Variants in ZFX observed in about 807,000 individuals in gnomAD.
The protein encoded by ZFX is zinc finger protein X-linked.
For synonymous variants in ZFX, 196 were observed against 226.8 expected, an observed-to-expected ratio of 0.86 and a Z score of 1.22; for missense variants, 362 against 628.3, an observed-to-expected ratio of 0.58 and a Z score of 4.53.
chrX:24,169,822 GA>G (rs1036662056), intron 3 of ZFX, among the ~76,000 whole-genome samples: 5 of 110,696 alleles, frequency 4.5e-5, no homozygotes, highest in Non-Finnish European at 9.4e-5. Context: ...CAGAAGAGGA[GA>G]GGGTTGAGCA....
chrX:24,191,849 G>A (rs1461292687), intron 5 of ZFX, among the ~76,000 whole-genome samples: 2 of 110,406 alleles, frequency 1.8e-5, no homozygotes, highest in Admixed American at 9.7e-5. Flanking sequence ...ACAGGTGTGC[G>A]CTACCACACC....
At chrX:24,163,831 T>A (rs1256912983) in intron 3 of ZFX, among the ~76,000 whole-genome samples, 3 of 65,278 alleles carry the variant, frequency 4.6e-5, no homozygotes, top group Admixed American at 1.8e-4. Context: ...CCCCCTCTTT[T>A]AAAAAAAAGA....
rs1938171541 is a variant in ZFX at position 24,212,602 on chromosome X, C to G, written c.*1226C>G. 1.8e-5 allele frequency: 2 copies of G among 112,286 alleles called. No homozygotes were observed. Among genetic ancestry groups the G allele is most frequent in the Admixed American group, 1.9e-4 (2 of 10,551 alleles). 9.3% of individuals were successfully genotyped at this position (112,286 alleles called of 1,213,427 possible). A position where few individuals can be genotyped will look rare whatever the true frequency, so the allele number is the denominator to read the frequency against. ...AGCAAATGAGTATCCAGACATGACTCCCACAGTTCTCTTTGAGAAGCCTGA... is the reference window on the plus strand; with the variant it reads ...AGCAAATGAGTATCCAGACATGACTGCCACAGTTCTCTTTGAGAAGCCTGA... On this transcript the variant is annotated 3_prime_UTR_variant, in exon 10 of 10. Transcript: ENST00000304543.
At chrX:24,165,354 T>C (rs888574956) in intron 3 of ZFX, among the ~76,000 whole-genome samples, 25 of 112,263 alleles carry the variant, frequency 2.2e-4, no homozygotes, top group African/African-American at 7.8e-4. Context: ...CTCCTGACCT[T>C]GTGATCCGCC....
rs1158855702 is a variant in ZFX, at chrX:24,212,443, G to A, written c.*1067G>A. The A allele has an allele frequency of 3.6e-5, 4 of 112,196 alleles. No individual in the cohort carries two copies. The highest frequency in any genetic ancestry group is 9.5e-5 in the Admixed American group (1 of 10,555). The allele number at this position is 112,196 out of a possible 1,213,427, so 9.2% of individuals were successfully genotyped here. A position where few individuals can be genotyped will look rare whatever the true frequency, so the allele number is the denominator to read the frequency against. ...AGGTGAAGAATTAGAAGGAAAATAA[G>A]GACACTAGTATTTTTAAAGAGTAAA... On this transcript the variant is annotated 3_prime_UTR_variant, in exon 10 of 10. Transcript: ENST00000304543.
At chrX:24,194,038 C>G (rs1936726577) in intron 5 of ZFX, among the ~76,000 whole-genome samples, 1 of 111,521 alleles carries the variant, frequency 9.0e-6, no homozygotes, top group South Asian at 3.8e-4. Flanking sequence ...ACTACCCTAG[C>G]TACCTCTTAT....
At chrX:24,159,282 G>A (rs1017665911) in intron 3 of ZFX, among the ~76,000 whole-genome samples, 1 of 112,378 alleles carries the variant, frequency 8.9e-6, no homozygotes, top group Non-Finnish European at 1.9e-5. Flanking sequence ...GAGCTACAGC[G>A]TGGGTCCTAC....
chrX:24,160,202 C>T (rs1445248023), intron 3 of ZFX, among the ~76,000 whole-genome samples: 2 of 107,212 alleles, frequency 1.9e-5, no homozygotes, highest in Non-Finnish European at 3.8e-5. Context: ...AGAGGCTTAG[C>T]TCATTCATAT....
chrX:24,210,103 A>G, intron 9 of ZFX, 90 bp from the exon 10 acceptor site: 2 of 1,131,248 alleles, frequency 1.8e-6, no homozygotes, highest in Non-Finnish European at 2.4e-6. Context: ...TCCTTGGCCA[A>G]CAGTGGTCAG....
intron 4 of ZFX, 28 bp downstream of exon 4, chrX:24,172,828 C>G (rs1934751725): frequency 1.7e-6 from 2 of 1,164,442 alleles, no homozygotes; most frequent in African/African-American, 3.6e-5. Flanking sequence ...GTTCCACTTC[C>G]CATCTACCAG....
chrX:24,182,096 A>G (rs928952912), intron 5 of ZFX, among the ~76,000 whole-genome samples: 2 of 110,418 alleles, frequency 1.8e-5, no homozygotes, highest in Admixed American at 9.7e-5. Context: ...TAAGTGTTCT[A>G]CCTTGGGAGA....
chrX:24,215,842 G>T lies in ZFX; in HGVS notation c.*4466G>T, dbSNP rs1938431579. 2.3e-5 allele frequency: 2 copies of T among 86,187 alleles called. No individual in the cohort carries two copies. The highest frequency in any genetic ancestry group is 9.1e-5 in the African/African-American group (2 of 21,890). The allele number at this position is 86,187 out of a possible 1,213,427, so 7.1% of individuals were successfully genotyped here. A position where few individuals can be genotyped will look rare whatever the true frequency, so the allele number is the denominator to read the frequency against. ...CATTTAAAAGAGAAGGGTTGAAAAA[G>T]ATTGTGTGTGTGTGTGTGTGTGTTT... On this transcript the variant is annotated 3_prime_UTR_variant, in exon 10 of 10. Transcript: ENST00000304543.
intron 5 of ZFX, among the ~76,000 whole-genome samples, chrX:24,190,193 A>G (rs73475937): frequency 0.036 from 3,991 of 111,689 alleles, 126 homozygotes; most frequent in African/African-American, 0.1. Flanking sequence ...ATTAACGTAT[A>G]TTACCTCACA....
At chrX:24,161,000 T>G (rs1301734309) in intron 3 of ZFX, among the ~76,000 whole-genome samples, 1 of 112,187 alleles carries the variant, frequency 8.9e-6, no homozygotes, top group East Asian at 2.8e-4. Context: ...ATTACTGTTA[T>G]CTCTGTGATA....
intron 9 of ZFX, 172 bp downstream of exon 9, chrX:24,209,212 T>C (rs1000815290): frequency 1.7e-5 from 13 of 783,825 alleles, no homozygotes; most frequent in African/African-American, 2.1e-5. Context: ...CATGAATGAT[T>C]TCCTTGGATA....
At chrX:24,169,551 G>T (rs1934358101) in intron 3 of ZFX, among the ~76,000 whole-genome samples, 2 of 103,509 alleles carry the variant, frequency 1.9e-5, no homozygotes, top group Admixed American at 2.2e-4. Context: ...ATCCCCCAGG[G>T]ATCAGGAAAT....
chrX:24,199,789 C>T (rs753072732), intron 5 of ZFX, among the ~76,000 whole-genome samples: 12 of 109,671 alleles, frequency 1.1e-4, no homozygotes, highest in Non-Finnish European at 1.9e-4. Flanking sequence ...TGGTGGCGCA[C>T]GCCTATAATC....
chrX:24,207,077 C>T (rs1937625852), intron 5 of ZFX: 1 of 268,101 alleles, frequency 3.7e-6, no homozygotes, highest in African/African-American at 2.9e-5. Flanking sequence ...ACTAAAAATA[C>T]AAAAAATTAG....
At chrX:24,175,882 T>C (rs1352958498) in intron 4 of ZFX, among the ~76,000 whole-genome samples, 2 of 108,589 alleles carry the variant, frequency 1.8e-5, no homozygotes, top group African/African-American at 3.4e-5. Context: ...CCCGGCTGAT[T>C]TACGTTTTAT....
Sources: gnomAD v4.1 joint callset for allele counts (sites outside exome capture counted in the v4.1 genomes callset) on GRCh38, gnomAD v4.1.1 for gene constraint, MANE v1.5 for transcripts, NCBI Gene and HGNC (gene_info 2026-07-23, HGNC 2026-07-21) for gene names.